The following HDAC9 variants were observed in gnomAD, a reference collection of about 807,000 sequenced individuals.
The protein encoded by HDAC9 is histone deacetylase 9.
HDAC9 carries 41 observed loss-of-function variants against 139.4 expected under a neutral mutation model. The observed-to-expected ratio is 0.29, with a 90% CI of 0.23 to 0.38. The LOEUF (loss-of-function observed/expected upper bound fraction) is 0.38. HDAC9 is among the 10% of genes least tolerant of loss of function. The probability of loss-of-function intolerance (pLI) is 1.00; values close to 1 mark genes in which losing one functional copy is unlikely to be tolerated. For synonymous variants in HDAC9, 517 were observed against 476.2 expected (o/e 1.09, Z -1.12); for missense variants, 1,147 against 1,297.0 (o/e 0.88, Z 1.78).
chr7:18,883,639 GCTCACT>G (rs1474140797), intron 22 of HDAC9, among the ~76,000 whole-genome samples: 2 of 152,038 alleles, frequency 1.3e-5, no homozygotes, highest in Admixed American at 6.6e-5. Flanking sequence ...AGATAAGGAT[GCTCACT>G]CTCGCCACTT....
At chr7:18,925,983 G>A (rs1472981878) in intron 22 of HDAC9, among the ~76,000 whole-genome samples, 12 of 151,956 alleles carry the variant, frequency 7.9e-5, no homozygotes, top group Non-Finnish European at 1.6e-4. Context: ...TTCTTAAAAC[G>A]ATAGAATTGG....
At chr7:18,946,661 A>G (rs1782426441) in intron 23 of HDAC9, among the ~76,000 whole-genome samples, 1 of 152,156 alleles carries the variant, frequency 6.6e-6, no homozygotes, top group Admixed American at 6.6e-5. Context: ...AAAACATATT[A>G]AGTATACATG....
At chr7:18,404,979 A>T (rs1787876324) in intron 1 of HDAC9, among the ~76,000 whole-genome samples, 1 of 152,206 alleles carries the variant, frequency 6.6e-6, no homozygotes, top group Non-Finnish European at 1.5e-5. Flanking sequence ...GCACTCACAC[A>T]CACCCTCGCA....
intron 2 of HDAC9, among the ~76,000 whole-genome samples, chr7:18,214,947 A>G (rs975746894): frequency 1.3e-5 from 2 of 152,128 alleles, no homozygotes; most frequent in Non-Finnish European, 2.9e-5. Context: ...TTTCATTTGC[A>G]GCTATAAAAT....
At chr7:18,967,943 A>G (rs1489885969) in intron 24 of HDAC9, among the ~76,000 whole-genome samples, 1 of 152,048 alleles carries the variant, frequency 6.6e-6, no homozygotes, top group Admixed American at 6.6e-5. Context: ...CGGGCGGATC[A>G]CCTGGGGTTG....
At chr7:18,707,569 A>C (rs1262172939) in intron 12 of HDAC9, among the ~76,000 whole-genome samples, 1 of 152,196 alleles carries the variant, frequency 6.6e-6, no homozygotes, top group African/African-American at 2.4e-5. Flanking sequence ...TATATGAAAA[A>C]ATCAAGATGC....
At chr7:18,720,653 G>A (rs917107763) in intron 12 of HDAC9, among the ~76,000 whole-genome samples, 127 of 149,516 alleles carry the variant, frequency 8.5e-4, no homozygotes, top group African/African-American at 2.9e-3. Flanking sequence ...GTTACCAAAC[G>A]TATTTTTATG....
At chr7:18,162,511 C>G (rs1787701860) in intron 2 of HDAC9, 1 of 635,090 alleles carries the variant, frequency 1.6e-6, no homozygotes, top group African/African-American at 1.8e-5. Context: ...ATAGCTAATT[C>G]TCTATTGCTT....
chr7:18,863,894 A>T (rs59987684), intron 21 of HDAC9, among the ~76,000 whole-genome samples: 73,561 of 151,986 alleles, frequency 0.48, 18,763 homozygotes, highest in African/African-American at 0.65. Context: ...AGCCAGTGTG[A>T]AATCTCCATG....
At chr7:18,151,527 C>G (rs575173720) in intron 1 of HDAC9, among the ~76,000 whole-genome samples, 122 of 152,312 alleles carry the variant, frequency 8.0e-4, no homozygotes, top group African/African-American at 2.7e-3. Flanking sequence ...TTGCAGCCTC[C>G]TTGATCCTCA....
At chr7:18,743,602 G>A (rs1394278616) in intron 13 of HDAC9, among the ~76,000 whole-genome samples, 3 of 137,316 alleles carry the variant, frequency 2.2e-5, no homozygotes, top group Admixed American at 7.4e-5. Context: ...GTGAGACTGC[G>A]TCTCAAAAAA....
At chr7:18,172,608 A>G (rs912358609) in intron 2 of HDAC9, among the ~76,000 whole-genome samples, 1 of 152,154 alleles carries the variant, frequency 6.6e-6, no homozygotes, top group African/African-American at 2.4e-5. Flanking sequence ...ATTTCCCTCT[A>G]CACACTGCTT....
At chr7:18,093,394 G>A (rs1057493525) in intron 1 of HDAC9, among the ~76,000 whole-genome samples, 13 of 152,302 alleles carry the variant, frequency 8.5e-5, no homozygotes, top group African/African-American at 3.1e-4. Flanking sequence ...TGAAGTGGAT[G>A]TCAGTGCTAC....
intron 22 of HDAC9, among the ~76,000 whole-genome samples, chr7:18,889,441 T>A (rs376863773): frequency 0.2 from 30,563 of 151,432 alleles, 3,369 homozygotes; most frequent in South Asian, 0.33. Flanking sequence ...TGGAGTGATT[T>A]AAAAAAAAAT....
At chr7:18,605,767 G>A (rs763067702) in intron 6 of HDAC9, among the ~76,000 whole-genome samples, 2 of 151,862 alleles carry the variant, frequency 1.3e-5, no homozygotes, top group South Asian at 2.1e-4. Flanking sequence ...TGCAAGCTCC[G>A]CCTCCCAGGT....
intron 12 of HDAC9, among the ~76,000 whole-genome samples, chr7:18,685,619 A>C (rs1782213030): frequency 6.6e-6 from 1 of 151,986 alleles, no homozygotes; most frequent in South Asian, 2.1e-4. Context: ...AATTCTAACT[A>C]GTAGAAAAAA....
chr7:18,631,488 T>C (rs1315271208), intron 7 of HDAC9, among the ~76,000 whole-genome samples: 1 of 152,082 alleles, frequency 6.6e-6, no homozygotes, highest in Non-Finnish European at 1.5e-5. Flanking sequence ...TGGATCTTAA[T>C]ACTAAATATT....
intron 2 of HDAC9, among the ~76,000 whole-genome samples, chr7:18,198,292 G>T: frequency 6.6e-6 from 1 of 151,926 alleles, no homozygotes; most frequent in South Asian, 2.1e-4. Context: ...ATAGCATTAA[G>T]TTAATATAAC....
chr7:18,952,435 A>G (rs1165773348), intron 23 of HDAC9, among the ~76,000 whole-genome samples: 3 of 151,956 alleles, frequency 2.0e-5, no homozygotes, highest in Non-Finnish European at 1.5e-5. Flanking sequence ...CCAAAGTCAC[A>G]GGGAAGCTTT....
Sources: gnomAD v4.1 joint callset for allele counts (sites outside exome capture counted in the v4.1 genomes callset) on GRCh38, gnomAD v4.1.1 for gene constraint, MANE v1.5 for transcripts, NCBI Gene and HGNC (gene_info 2026-07-23, HGNC 2026-07-21) for gene names.